The following ADGRF5 variants were observed in gnomAD, a reference collection of about 807,000 sequenced individuals.
ADGRF5 encodes the protein G-protein coupled receptor 116.
In ADGRF5, 75 loss-of-function variants were observed where a neutral mutation model predicts 132.3. The observed-to-expected ratio is 0.57, with a 90% CI of 0.47 to 0.69. The LOEUF (loss-of-function observed/expected upper bound fraction) is 0.69, where lower values mean the gene tolerates loss of function less well. ADGRF5 is among the 30% of genes least tolerant of loss of function. ADGRF5 has a pLI of 0.00. For synonymous variants in ADGRF5, 629 were observed against 597.6 expected (o/e 1.05, Z -0.77); for missense variants, 1,516 against 1,630.6 (o/e 0.93, Z 1.21).
At chr6:46,926,133 C>CA (rs1777232065), upstream of ADGRF5, among the ~76,000 whole-genome samples, 1 of 152,126 alleles carries the variant, frequency 6.6e-6, no homozygotes, top group South Asian at 2.1e-4. Context: ...GCAGAGCCTC[C>CA]ACTAATGGAA....
upstream of ADGRF5, among the ~76,000 whole-genome samples, chr6:46,925,097 C>A (rs1202909017): frequency 6.6e-6 from 1 of 152,194 alleles, no homozygotes; most frequent in African/African-American, 2.4e-5. Context: ...GAGCACAGGT[C>A]TTTTCAACAG....
chr6:46,935,589 A>C (rs145336405), intron 1 of ADGRF5, among the ~76,000 whole-genome samples: 65 of 152,294 alleles, frequency 4.3e-4, no homozygotes, highest in Middle Eastern at 3.4e-3. Flanking sequence ...AAAAGTGGAG[A>C]GAGAGCTCAT....
intron 1 of ADGRF5, among the ~76,000 whole-genome samples, chr6:46,927,424 A>G (rs1012648500): frequency 6.6e-6 from 1 of 152,010 alleles, no homozygotes; most frequent in East Asian, 1.9e-4. Context: ...TAGAATTCAG[A>G]TCTTGTGTCT....
intron 3 of ADGRF5, among the ~76,000 whole-genome samples, chr6:46,893,428 TC>T (rs1304625609): frequency 1.3e-5 from 2 of 152,106 alleles, no homozygotes; most frequent in African/African-American, 4.8e-5. Context: ...GCTTAGATGC[TC>T]AGCGATCAGC....
intron 2 of ADGRF5, among the ~76,000 whole-genome samples, chr6:46,900,338 C>A (rs1423316501): frequency 2.6e-5 from 4 of 152,112 alleles, no homozygotes; most frequent in Non-Finnish European, 5.9e-5. Flanking sequence ...AAGAAATCAT[C>A]ATATCTGACT....
At chr6:46,897,856 G>A (rs1398906238) in intron 3 of ADGRF5, among the ~76,000 whole-genome samples, 2 of 152,084 alleles carry the variant, frequency 1.3e-5, no homozygotes, top group Non-Finnish European at 1.5e-5. Flanking sequence ...GTTCTTAATT[G>A]CAACTTACAT....
chr6:46,878,449 T>C lies in ADGRF5; in HGVS notation c.1037-44A>G, dbSNP rs375392771. 2.8e-5 allele frequency: 33 copies of C among 1,182,696 alleles called. No individual in the cohort carries two copies. The African/African-American group carries it at 3.9e-4, about 14-fold the overall frequency. 73.3% of individuals were successfully genotyped at this position (1,182,696 alleles called of 1,614,324 possible). ...ATCATGTATTATTATAACACATGTGTATTTTCTTAGAGGAATGTACCGTCA... is the reference window on the plus strand; with the variant it reads ...ATCATGTATTATTATAACACATGTGCATTTTCTTAGAGGAATGTACCGTCA... On this transcript the variant is annotated intron_variant, in intron 9 of 20. Coordinates refer to ENST00000283296, the MANE Select transcript of ADGRF5 (RefSeq NM_001098518.2).
rs1413486018 is a variant in ADGRF5, at chr6:46,878,223, C to G, written c.1219G>C (p.Glu407Gln). 2 of 1,612,100 alleles carry G rather than the reference C, an allele frequency of 1.2e-6. No homozygotes were observed. Among genetic ancestry groups the G allele is most frequent in the Non-Finnish European group, 8.5e-7 (1 of 1,178,186 alleles). ...TCACCTGGAATATTTATTTTTCCTTCCTGCTTCCATTCTACTTTGCTCCAA... is the reference window on the plus strand; with the variant it reads ...TCACCTGGAATATTTATTTTTCCTTGCTGCTTCCATTCTACTTTGCTCCAA... ...VNWSKVEWKQ[E>Q]GKINIPGTPE... is the part of the protein sequence containing the mutation. The change falls in exon 10 of 21, where the codon GAA (glutamate) becomes CAA (glutamine). Residue 407 changes from glutamate to glutamine, a missense_variant. Glu to Gln is a conservative substitution (Grantham distance 29, BLOSUM62 2). Around this residue, in one of 2 missense-constraint regions of ADGRF5, gnomAD observed 945 missense variants for 929.4 expected, o/e 1.02. Transcript: ENST00000283296.
chr6:46,923,959 C>T (rs928353459), upstream of ADGRF5, among the ~76,000 whole-genome samples: 3 of 152,066 alleles, frequency 2.0e-5, no homozygotes, highest in Non-Finnish European at 4.4e-5. Flanking sequence ...CAACTGCAAA[C>T]GTAGAGAGAA....
chr6:46,871,619 C>T (rs1315789803), intron 11 of ADGRF5, among the ~76,000 whole-genome samples: 2 of 152,142 alleles, frequency 1.3e-5, no homozygotes, highest in Admixed American at 6.5e-5. Context: ...CTGGGAACCA[C>T]TGTGTCCTAC....
At chr6:46,866,311 A>T (rs111527841) in intron 13 of ADGRF5, among the ~76,000 whole-genome samples, 2 of 41,184 alleles carry the variant, frequency 4.9e-5, no homozygotes, top group South Asian at 3.4e-3. Flanking sequence ...TTCCTAGCTT[A>T]GTCTCTTACT....
intron 1 of ADGRF5, among the ~76,000 whole-genome samples, chr6:46,944,588 T>A (rs1467151897): frequency 6.6e-6 from 1 of 152,246 alleles, no homozygotes; most frequent in African/African-American, 2.4e-5. Context: ...GTTTATCTAC[T>A]GCTCATCTCT....
chr6:46,929,851 C>T (rs1777468825), intron 1 of ADGRF5, among the ~76,000 whole-genome samples: 1 of 151,556 alleles, frequency 6.6e-6, no homozygotes, highest in African/African-American at 2.4e-5. Context: ...GATAGTGTTT[C>T]ACTCTTGTTG....
chr6:46,884,296 A>C (rs757566695), intron 4 of ADGRF5, 25 bp from the exon 5 acceptor site: 1 of 1,586,628 alleles, frequency 6.3e-7, no homozygotes, highest in East Asian at 2.3e-5. Flanking sequence ...AACAGCAAGG[A>C]GAGAGAAGGT....
chr6:46,879,772 A>T (rs760109818), intron 9 of ADGRF5, 46 bp downstream of exon 9: 1 of 1,262,432 alleles, frequency 7.9e-7, no homozygotes, highest in Non-Finnish European at 1.2e-6. Flanking sequence ...CTTCTTTATA[A>T]GCTCTTCATT....
intron 1 of ADGRF5, among the ~76,000 whole-genome samples, chr6:46,918,096 T>C (rs1426437359): frequency 2.6e-5 from 4 of 152,254 alleles, no homozygotes; most frequent in East Asian, 1.9e-4. Context: ...GATTACCTTT[T>C]AGGAAGCCGG....
intron 8 of ADGRF5, among the ~76,000 whole-genome samples, chr6:46,880,579 A>C (rs1376575172): frequency 6.6e-6 from 1 of 152,180 alleles, no homozygotes; most frequent in African/African-American, 2.4e-5. Flanking sequence ...GGAGCTTTAT[A>C]GACAGTAAGT....
intron 3 of ADGRF5, among the ~76,000 whole-genome samples, chr6:46,897,678 G>A (rs1039465080): frequency 2.0e-5 from 3 of 152,208 alleles, no homozygotes; most frequent in Middle Eastern, 3.4e-3. Flanking sequence ...GGGTTCAAGC[G>A]ATTCTCCTGC....
chr6:46,909,872 C>T (rs1349108594), intron 1 of ADGRF5, among the ~76,000 whole-genome samples: 1 of 151,894 alleles, frequency 6.6e-6, no homozygotes, highest in East Asian at 1.9e-4. Context: ...CACTGGCATG[C>T]ACCCATAATC....
Sources: gnomAD v4.1 joint callset for allele counts (sites outside exome capture counted in the v4.1 genomes callset) on GRCh38, gnomAD v4.1.1 for gene constraint, gnomAD v4.1.1 regional missense constraint, MANE v1.5 for transcripts, NCBI Gene and HGNC (gene_info 2026-07-23, HGNC 2026-07-21) for gene names.